The following KCNIP4 variants were observed in gnomAD, a reference collection of about 807,000 sequenced individuals.
KCNIP4 encodes Kv channel-interacting protein 4.
KCNIP4 carries 12 observed loss-of-function variants against 34.0 expected under a neutral mutation model. The observed-to-expected ratio is 0.35, with a 90% CI of 0.23 to 0.57. The LOEUF is 0.57. Among genes scored for constraint, KCNIP4 ranks in the 20% least tolerant of loss-of-function variants. The pLI, the probability that KCNIP4 is intolerant of heterozygous loss-of-function variation, is 0.83. For synonymous variants in KCNIP4, 124 were observed against 102.2 expected (o/e 1.21, Z -1.29); for missense variants, 238 against 311.7 (o/e 0.76, Z 1.78).
At chr4:21,337,610 T>G (rs1012422604) in intron 1 of KCNIP4, among the ~76,000 whole-genome samples, 1 of 152,202 alleles carries the variant, frequency 6.6e-6, no homozygotes, top group African/African-American at 2.4e-5. Flanking sequence ...ATAAAATTTT[T>G]AAAGTACAAA....
intron 1 of KCNIP4, among the ~76,000 whole-genome samples, chr4:21,876,752 A>T (rs1341589610): frequency 6.6e-6 from 1 of 152,210 alleles, no homozygotes; most frequent in East Asian, 1.9e-4. Context: ...TGTATATTTC[A>T]TCATAAAAAA....
At chr4:21,398,531 C>A (rs35646185) in intron 1 of KCNIP4, among the ~76,000 whole-genome samples, 26,952 of 152,142 alleles carry the variant, frequency 0.18, 4,467 homozygotes, top group African/African-American at 0.42. Flanking sequence ...AACTTGGTGT[C>A]AGTGATTAAG....
At chr4:21,698,131 A>C (rs1164949665) in intron 1 of KCNIP4, among the ~76,000 whole-genome samples, 1 of 152,158 alleles carries the variant, frequency 6.6e-6, no homozygotes, top group African/African-American at 2.4e-5. Context: ...ACGATTTACC[A>C]CCAAATGGGG....
rs141058501 is a variant in KCNIP4, at chr4:21,741,797, G to A, written c.61+206774C>T. On this transcript the variant is annotated intron_variant, in intron 1 of 8. Coordinates refer to ENST00000382152, the MANE Select transcript of KCNIP4 (RefSeq NM_025221.6). ...CTCATGCCTGTAATCCCAGCACTTC[G>A]GGAAGCCAAGGCAGGCAGATCACAA... is the stretch of plus-strand genomic sequence containing the variant. Among the ~76,000 whole-genome samples, 1,370 of 152,140 alleles carry A rather than the reference G, an allele frequency of 9.0e-3. 19 individuals carry two copies. The highest frequency in any genetic ancestry group is 0.039 in the South Asian group (188 of 4,826).
At chr4:21,905,134 G>A (rs1010742928) in intron 1 of KCNIP4, among the ~76,000 whole-genome samples, 2 of 152,250 alleles carry the variant, frequency 1.3e-5, no homozygotes, top group East Asian at 1.9e-4. Flanking sequence ...AAAATAAAAT[G>A]ATTAGATACA....
At chr4:21,277,618 T>C (rs1030709065) in intron 1 of KCNIP4, among the ~76,000 whole-genome samples, 2 of 151,962 alleles carry the variant, frequency 1.3e-5, no homozygotes, top group African/African-American at 4.8e-5. Flanking sequence ...AAGAAATACG[T>C]TTTAGAAGTG....
At chr4:21,653,589 C>T (rs1747681034) in intron 1 of KCNIP4, among the ~76,000 whole-genome samples, 1 of 152,106 alleles carries the variant, frequency 6.6e-6, no homozygotes, top group Non-Finnish European at 1.5e-5. Flanking sequence ...ATGTGTAATG[C>T]TAGTTTACAT....
At chr4:21,679,673 G>A (rs963632465) in intron 1 of KCNIP4, among the ~76,000 whole-genome samples, 7 of 151,948 alleles carry the variant, frequency 4.6e-5, no homozygotes, top group South Asian at 2.1e-4. Flanking sequence ...CTATATATAC[G>A]CATATCTCAG....
In KCNIP4 at chr4:20,740,639, A is replaced by G. The variant is rs190773407; in HGVS notation, c.430-5904T>C. The stretch of plus-strand genomic sequence containing the variant: ...AAAAACATGCCAAATTGTAAAGACC[A>G]TCAAGGCTAGGAAGAAACTGCATCA... On this transcript the variant is annotated intron_variant, in intron 5 of 8. Coordinates refer to ENST00000382152, the MANE Select transcript of KCNIP4 (RefSeq NM_025221.6). 2.3e-3 allele frequency among the ~76,000 whole-genome samples: 353 copies of G among 152,330 alleles called. 8 individuals are homozygous for G. In the South Asian group the frequency reaches 0.046, roughly 20 times the overall value.
At chr4:20,823,349 C>G (rs2149447653) in intron 3 of KCNIP4, among the ~76,000 whole-genome samples, 1 of 152,108 alleles carries the variant, frequency 6.6e-6, no homozygotes, top group Admixed American at 6.5e-5. Flanking sequence ...GATAGGGAGC[C>G]ATTGAAGAAT....
rs543739311 is a variant in KCNIP4 at position 20,949,450 on chromosome 4, C to T, written c.62-66741G>A. Among the ~76,000 whole-genome samples, 54 of 152,156 alleles carry T rather than the reference C, an allele frequency of 3.5e-4. 2 individuals are homozygous for T. Among genetic ancestry groups the T allele is most frequent in the Admixed American group, 2.6e-3 (39 of 15,270 alleles). On this transcript the variant is annotated intron_variant, in intron 1 of 8. Coordinates refer to ENST00000382152, the MANE Select transcript of KCNIP4 (RefSeq NM_025221.6). ...TCAACCATTGTGGAAGTCAGTGTGG[C>T]GATTCCTCAGGGATCTAGAACTAGA...
chr4:21,264,343 ATGCACT>A, intron 1 of KCNIP4, among the ~76,000 whole-genome samples: 1 of 152,188 alleles, frequency 6.6e-6, no homozygotes, highest in Middle Eastern at 3.2e-3. Flanking sequence ...TATGCCAAGT[ATGCACT>A]TGATACAAGA....
At chr4:20,763,564 T>C (rs1415587712) in intron 3 of KCNIP4, among the ~76,000 whole-genome samples, 1 of 152,176 alleles carries the variant, frequency 6.6e-6, no homozygotes. Flanking sequence ...TCACTTAATG[T>C]GTCTACCCCA....
chr4:21,328,907 C>T (rs1218776364), intron 1 of KCNIP4, among the ~76,000 whole-genome samples: 1 of 152,250 alleles, frequency 6.6e-6, no homozygotes, highest in East Asian at 1.9e-4. Context: ...TCACTCAAGG[C>T]CCCAGGCTAC....
At chr4:21,822,812 G>A (rs543328325) in intron 1 of KCNIP4, among the ~76,000 whole-genome samples, 1 of 151,416 alleles carries the variant, frequency 6.6e-6, no homozygotes, top group Non-Finnish European at 1.5e-5. Context: ...CTGCCTTCCG[G>A]TTTCAAGAGA....
chr4:21,105,956 A>G (rs1157807920), intron 1 of KCNIP4, among the ~76,000 whole-genome samples: 1 of 151,384 alleles, frequency 6.6e-6, no homozygotes, highest in Non-Finnish European at 1.5e-5. Context: ...CCACTTGATC[A>G]TGGTGGATAA....
At chr4:21,503,441 A>G (rs1733531286) in intron 1 of KCNIP4, among the ~76,000 whole-genome samples, 1 of 152,220 alleles carries the variant, frequency 6.6e-6, no homozygotes, top group Non-Finnish European at 1.5e-5. Context: ...TAAGTCATGA[A>G]TCATATAATA....
At chr4:21,923,944 T>C (rs1031236505) in intron 1 of KCNIP4, among the ~76,000 whole-genome samples, 2 of 152,212 alleles carry the variant, frequency 1.3e-5, no homozygotes, top group Non-Finnish European at 2.9e-5. Flanking sequence ...CCCAGCATTT[T>C]ACCTGCATGA....
chr4:21,226,698 C>G (rs187957178), intron 1 of KCNIP4, among the ~76,000 whole-genome samples: 3 of 152,240 alleles, frequency 2.0e-5, no homozygotes, highest in African/African-American at 7.2e-5. Context: ...CAACAATCTA[C>G]TGGTTTCAGG....
Sources: gnomAD v4.1 joint callset for allele counts (sites outside exome capture counted in the v4.1 genomes callset) on GRCh38, gnomAD v4.1.1 for gene constraint, MANE v1.5 for transcripts, NCBI Gene and HGNC (gene_info 2026-07-23, HGNC 2026-07-21) for gene names.